DAB1: variants seen among roughly 807,000 people sequenced by gnomAD.
DAB1 encodes disabled homolog 1.
DAB1 carries 15 observed loss-of-function variants against 64.6 expected under a neutral mutation model. That is an observed-to-expected ratio of 0.23 (90% confidence interval 0.16 to 0.36). The LOEUF (loss-of-function observed/expected upper bound fraction) is 0.36, where lower values mean the gene tolerates loss of function less well. DAB1 is among the 10% of genes least tolerant of loss of function. The probability of loss-of-function intolerance (pLI) is 1.00; values close to 1 mark genes in which losing one functional copy is unlikely to be tolerated. For missense variants in DAB1, 596 were observed against 706.7 expected, an observed-to-expected ratio of 0.84 and a Z score of 1.78; for synonymous variants, 235 against 251.9, an observed-to-expected ratio of 0.93 and a Z score of 0.64.
At chr1:57,752,834 T>C (rs1215432221) in intron 6 of DAB1, among the ~76,000 whole-genome samples, 1 of 152,220 alleles carries the variant, frequency 6.6e-6, no homozygotes, top group East Asian at 1.9e-4. Flanking sequence ...AAGTCATCAA[T>C]GCAAAGTGAG....
At chr1:58,536,157 T>C (rs930652123) in intron 1 of DAB1, among the ~76,000 whole-genome samples, 2 of 151,984 alleles carry the variant, frequency 1.3e-5, no homozygotes, top group Admixed American at 6.5e-5. Flanking sequence ...AGCCAAGCAA[T>C]GGGCGCAACT....
intron 4 of DAB1, among the ~76,000 whole-genome samples, chr1:58,213,361 C>G (rs928444589): frequency 6.6e-6 from 1 of 152,056 alleles, no homozygotes; most frequent in Non-Finnish European, 1.5e-5. Flanking sequence ...TAAAGACATA[C>G]CCGAGACAGG....
At chr1:57,516,966 A>G (rs1192454655) in intron 7 of DAB1, among the ~76,000 whole-genome samples, 2 of 152,214 alleles carry the variant, frequency 1.3e-5, no homozygotes, top group Non-Finnish European at 2.9e-5. Context: ...TTCTTGCTCA[A>G]AAAGTTCAGA....
At chr1:58,098,706 GA>G (rs1651134158) in intron 5 of DAB1, among the ~76,000 whole-genome samples, 1 of 152,144 alleles carries the variant, frequency 6.6e-6, no homozygotes, top group African/African-American at 2.4e-5. Flanking sequence ...TAGCGTCCTT[GA>G]AAAAGAGGAA....
chr1:57,279,818 C>T (rs1671747124), intron 2 of DAB1, among the ~76,000 whole-genome samples: 1 of 152,224 alleles, frequency 6.6e-6, no homozygotes, highest in African/African-American at 2.4e-5. Context: ...GCATGACAAC[C>T]TTCTGCAAGT....
chr1:57,910,386 A>G lies in DAB1; in HGVS notation n.388-26224T>C, dbSNP rs575947937. Among the ~76,000 whole-genome samples, 56 of 152,350 alleles carry G rather than the reference A, an allele frequency of 3.7e-4. 1 individual carries two copies. In the South Asian group the frequency reaches 0.011, roughly 30 times the overall value. ...CTCCAAGAGGCATGGCTCCAAAGCT[A>G]GTTTAATTATAGGTGTTTAGACGTA... On this transcript the variant is annotated intron_variant and non_coding_transcript_variant, in intron 5 of 20. Transcript: ENST00000485760.
At chr1:57,723,157 A>G (rs937048715) in intron 6 of DAB1, among the ~76,000 whole-genome samples, 3 of 152,192 alleles carry the variant, frequency 2.0e-5, no homozygotes, top group African/African-American at 7.2e-5. Flanking sequence ...TTTTGACTAG[A>G]AAACTTTTTT....
intron 1 of DAB1, among the ~76,000 whole-genome samples, chr1:57,317,131 A>C (rs1675280901): frequency 6.6e-6 from 1 of 152,176 alleles, no homozygotes; most frequent in Admixed American, 6.5e-5. Context: ...GCCACATGAC[A>C]GGGAACCAAG....
intron 5 of DAB1, among the ~76,000 whole-genome samples, chr1:57,916,650 T>C (rs1644730813): frequency 1.3e-5 from 2 of 152,170 alleles, no homozygotes; most frequent in African/African-American, 4.8e-5. Context: ...TTAAAAGGGT[T>C]AAGTAGGCCA....
At chr1:58,504,424 TTC>T (rs1645954518) in intron 3 of DAB1, among the ~76,000 whole-genome samples, 1 of 152,218 alleles carries the variant, frequency 6.6e-6, no homozygotes, top group Non-Finnish European at 1.5e-5. Flanking sequence ...TCCTTCCGGA[TTC>T]TGATTAGTGA....
chr1:57,605,673 T>C (rs779974954), intron 7 of DAB1, among the ~76,000 whole-genome samples: 1 of 152,190 alleles, frequency 6.6e-6, no homozygotes, highest in Non-Finnish European at 1.5e-5. Flanking sequence ...TTAAGAACAA[T>C]AGAACAACTG....
At chr1:58,249,848 G>C (rs1178792248) in intron 4 of DAB1, among the ~76,000 whole-genome samples, 2 of 152,316 alleles carry the variant, frequency 1.3e-5, no homozygotes, top group African/African-American at 4.8e-5. Context: ...CAACTTGGGC[G>C]GCTCTGTGCG....
chr1:57,010,879 A>G, intron 13 of DAB1, 89 bp from the exon 14 acceptor site: 2 of 1,048,948 alleles, frequency 1.9e-6, no homozygotes, highest in Non-Finnish European at 2.7e-6. Context: ...ATGCAGCACA[A>G]TCAGTTATTG....
chr1:58,416,395 T>A (rs989888210), intron 3 of DAB1, among the ~76,000 whole-genome samples: 1 of 152,066 alleles, frequency 6.6e-6, no homozygotes, highest in Admixed American at 6.6e-5. Context: ...ATAGCAAGAG[T>A]ATTAATAATA....
chr1:57,384,450 G>C (rs971565356), intron 1 of DAB1, among the ~76,000 whole-genome samples: 14 of 152,140 alleles, frequency 9.2e-5, no homozygotes, highest in African/African-American at 3.1e-4. Flanking sequence ...GAAGAAGTAC[G>C]CACATTTGTC....
At chr1:57,215,880 G>A (rs747249405) in intron 2 of DAB1, among the ~76,000 whole-genome samples, 4 of 152,182 alleles carry the variant, frequency 2.6e-5, no homozygotes, top group Non-Finnish European at 4.4e-5. Flanking sequence ...GTGTGAAAGG[G>A]CCTGGGGGGA....
intron 2 of DAB1, among the ~76,000 whole-genome samples, chr1:57,169,030 T>C (rs1417815806): frequency 6.6e-6 from 1 of 152,162 alleles, no homozygotes. Context: ...CACTCCAGCC[T>C]GGGCAACAGA....
At chr1:57,249,481 C>T (rs1359008168) in intron 2 of DAB1, among the ~76,000 whole-genome samples, 4 of 152,184 alleles carry the variant, frequency 2.6e-5, no homozygotes, top group Admixed American at 2.0e-4. Flanking sequence ...AAGCAATCTT[C>T]CCACCTTAGT....
At chr1:57,104,431 T>G (rs981122521) in intron 4 of DAB1, among the ~76,000 whole-genome samples, 1 of 152,228 alleles carries the variant, frequency 6.6e-6, no homozygotes, top group African/African-American at 2.4e-5. Flanking sequence ...TCAATTAACT[T>G]TTGCTGATTT....
Sources: gnomAD v4.1 joint callset for allele counts (sites outside exome capture counted in the v4.1 genomes callset) on GRCh38, gnomAD v4.1.1 for gene constraint, MANE v1.5 for transcripts, NCBI Gene and HGNC (gene_info 2026-07-23, HGNC 2026-07-21) for gene names.